The following TMEM138 variants were observed in gnomAD, a reference collection of about 807,000 sequenced individuals.
The protein encoded by TMEM138 is transmembrane protein 138.
TMEM138 carries 9 observed loss-of-function variants against 18.1 expected under a neutral mutation model. The observed-to-expected ratio is 0.50, with a 90% CI of 0.30 to 0.87. The LOEUF is 0.87. TMEM138 is among the 40% of genes least tolerant of loss of function. TMEM138 has a pLI of 0.06. For missense variants in TMEM138, 189 were observed against 190.6 expected (o/e 0.99, Z 0.05); for synonymous variants, 79 against 74.8 (o/e 1.06, Z -0.29).
chr11:61,364,823 A>T, intron 2 of TMEM138: 1 of 200,248 alleles, frequency 5.0e-6, no homozygotes, highest in East Asian at 1.3e-4. Flanking sequence ...TAAGCCCAGG[A>T]GTTCAAGGCT....
At chr11:61,372,363 A>G (rs551785894), downstream of TMEM138, among the ~76,000 whole-genome samples, 1 of 151,360 alleles carries the variant, frequency 6.6e-6, no homozygotes, top group East Asian at 2.0e-4. Flanking sequence ...GTGCAATGGC[A>G]TGATCTCAGC....
In TMEM138 at chr11:61,366,069, C is replaced by G. The variant is rs767016925; in HGVS notation, c.153C>G (p.Phe51Leu). 6.2e-7 allele frequency: 1 copy of G among 1,613,768 alleles called. No individual in the cohort carries two copies. The highest frequency in any genetic ancestry group is 1.1e-5 in the South Asian group (1 of 90,988). Residue 51 changes from phenylalanine to leucine, a missense_variant, in exon 3 of 5, where the codon TTC becomes TTG. Phe to Leu is a conservative substitution (Grantham distance 22). Coordinates refer to ENST00000278826, the MANE Select transcript of TMEM138 (RefSeq NM_016464.5). ...GCATCCAGGATATTGCAGTCCTCTT[C>G]AACATCATCATCATTTTCCTCATGT... ...LFIIQDIAVLFNIIIIFLMFF... is the reference protein window; with the variant it reads ...LFIIQDIAVLLNIIIIFLMFF...
In TMEM138 at chr11:61,368,673, G is replaced by A. The variant is rs778760425; in HGVS notation, c.453G>A (p.Leu151=). Residue 151 remains leucine, a synonymous_variant, in exon 5 of 5, where the codon TTG becomes TTA. Transcript: ENST00000278826. The stretch of plus-strand genomic sequence containing the variant: ...ATCCTCACTTCTACCAGGACTCTTT[G>A]TGGCTGCGCAAGGAGTTCATGCAAG... ...LGDPHFYQDS[L]WLRKEFMQVR... is the part of the protein sequence containing the mutation. 2 of 1,614,134 alleles carry A rather than the reference G, an allele frequency of 1.2e-6. No homozygotes were observed. Among genetic ancestry groups the A allele is most frequent in the Non-Finnish European group, 1.7e-6 (2 of 1,180,026 alleles).
At chr11:61,365,373 G>A (rs1590625465) in intron 2 of TMEM138, among the ~76,000 whole-genome samples, 1 of 151,248 alleles carries the variant, frequency 6.6e-6, no homozygotes, top group African/African-American at 2.4e-5. Context: ...CAATTCTCCT[G>A]CCTCAGCCTC....
intron 3 of TMEM138, chr11:61,366,471 CT>C (rs879154161): frequency 0.079 from 20,602 of 259,626 alleles, 1 homozygote; most frequent in South Asian, 0.15. Context: ...CTTTTCTTTT[CT>C]TTTTTTTTTT....
At chr11:61,371,013 C>G (rs1215893605), downstream of TMEM138, among the ~76,000 whole-genome samples, 1 of 152,080 alleles carries the variant, frequency 6.6e-6, no homozygotes, top group East Asian at 1.9e-4. Flanking sequence ...CGCAACACCG[C>G]CCCCCTCTCC....
At chr11:61,364,710 C>A in intron 2 of TMEM138, 192 bp downstream of exon 2, 1 of 640,552 alleles carries the variant, frequency 1.6e-6, no homozygotes, top group Non-Finnish European at 2.5e-6. Flanking sequence ...GGCAACATAG[C>A]AAGACCCTGT....
In TMEM138 at chr11:61,366,209, G is replaced by C; in HGVS notation, c.293G>C (p.Trp98Ser). ...YFALSISLHVWVMNLRWKNSN... is the reference protein window; with the variant it reads ...YFALSISLHVSVMNLRWKNSN... ...GCCCTCAGCATCTCCCTTCATGTCTGGGTCATGGTAAGAGTGGCAGTCTGA... is the reference window on the plus strand; with the variant it reads ...GCCCTCAGCATCTCCCTTCATGTCTCGGTCATGGTAAGAGTGGCAGTCTGA... The change falls in exon 3 of 5, where the codon TGG becomes TCG. Residue 98 changes from tryptophan to serine, a missense_variant. Physicochemically the swap from Trp to Ser is radical, Grantham distance 177. Coordinates refer to ENST00000278826, the MANE Select transcript of TMEM138 (RefSeq NM_016464.5). The C allele has an allele frequency of 6.2e-7, 1 of 1,611,936 alleles. No homozygotes were observed. The highest frequency in any genetic ancestry group is 1.7e-4 in the Middle Eastern group (1 of 6,054).
chr11:61,374,538 G>A (rs969910779), downstream of TMEM138, among the ~76,000 whole-genome samples: 1 of 152,122 alleles, frequency 6.6e-6, no homozygotes, highest in African/African-American at 2.4e-5. Flanking sequence ...GTGCCACAGA[G>A]GTAACAAATT....
downstream of TMEM138, among the ~76,000 whole-genome samples, chr11:61,372,573 G>C (rs1858372057): frequency 6.6e-6 from 1 of 151,970 alleles, no homozygotes; most frequent in Non-Finnish European, 1.5e-5. Flanking sequence ...GTGAAGTCAG[G>C]AGATCGAGAC....
At chr11:61,366,471 C>CTT (rs879154161) in intron 3 of TMEM138, 840 of 260,274 alleles carry the variant, frequency 3.2e-3, no homozygotes, top group South Asian at 6.7e-3. Flanking sequence ...CTTTTCTTTT[C>CTT]TTTTTTTTTT....
chr11:61,372,212 G>T (rs1387544440), downstream of TMEM138, among the ~76,000 whole-genome samples: 1 of 149,348 alleles, frequency 6.7e-6, no homozygotes. Context: ...TCTGCCTAAA[G>T]AATTGAAGTA....
At chr11:61,371,077 C>T (rs1858330263), downstream of TMEM138, among the ~76,000 whole-genome samples, 1 of 152,148 alleles carries the variant, frequency 6.6e-6, no homozygotes, top group Non-Finnish European at 1.5e-5. Flanking sequence ...GCTCTGTCAC[C>T]AGGCTGGTGT....
intron 3 of TMEM138, 22 bp from the exon 4 acceptor site, chr11:61,367,901 G>A: frequency 1.3e-6 from 2 of 1,560,474 alleles, no homozygotes; most frequent in Non-Finnish European, 1.8e-6. Context: ...ATTAACTTTT[G>A]TGTATCTCAC....
chr11:61,362,424 A>G lies in TMEM138; in HGVS notation c.-140+4A>G, dbSNP rs1857948742. 6.6e-6 allele frequency: 1 copy of G among 152,230 alleles called. No homozygotes were observed. Among genetic ancestry groups the G allele is most frequent in the African/African-American group, 2.4e-5 (1 of 41,446 alleles). 9.4% of individuals were successfully genotyped at this position (152,230 alleles called of 1,614,324 possible). A position where few individuals can be genotyped will look rare whatever the true frequency, so the allele number is the denominator to read the frequency against. ...CAACCGACGTTGGAGTTTGGAGGTG[A>G]GAGTGATTGACGAGGAGTGGGTTAA... On this transcript the variant is annotated splice_donor_region_variant and intron_variant, in intron 1 of 4. Coordinates refer to ENST00000278826, the MANE Select transcript of TMEM138 (RefSeq NM_016464.5).
chr11:61,363,317 G>T (rs1858005675), intron 1 of TMEM138: 1 of 152,224 alleles, frequency 6.6e-6, no homozygotes, highest in South Asian at 2.1e-4. Context: ...TGGAGGAGGT[G>T]CCTTAACCTT....
chr11:61,368,244 T>A, intron 4 of TMEM138: 1 of 617,890 alleles, frequency 1.6e-6, no homozygotes. Context: ...TGTTTGTTTT[T>A]GAGACAGTCT....
At chr11:61,374,480 T>C (rs1262912179), downstream of TMEM138, among the ~76,000 whole-genome samples, 1 of 152,174 alleles carries the variant, frequency 6.6e-6, no homozygotes, top group Non-Finnish European at 1.5e-5. Flanking sequence ...TGATATGACT[T>C]AATGTACATT....
chr11:61,368,783 C>G lies in TMEM138; in HGVS notation c.*74C>G. The G allele has an allele frequency of 8.4e-7, 1 of 1,185,014 alleles. No individual in the cohort carries two copies. The highest frequency in any genetic ancestry group is 1.2e-6 in the Non-Finnish European group (1 of 801,556). 73.4% of individuals were successfully genotyped at this position (1,185,014 alleles called of 1,614,324 possible). A position where few individuals can be genotyped will look rare whatever the true frequency, so the allele number is the denominator to read the frequency against. ...TTGCTGCTTTGCAGGGAGAGTTGGC[C>G]CTATGCATGGGCAAACAGCTGGACT... On this transcript the variant is annotated 3_prime_UTR_variant, in exon 5 of 5. Coordinates refer to ENST00000278826, the MANE Select transcript of TMEM138 (RefSeq NM_016464.5).
Sources: gnomAD v4.1 joint callset for allele counts (sites outside exome capture counted in the v4.1 genomes callset) on GRCh38, gnomAD v4.1.1 for gene constraint, MANE v1.5 for transcripts, NCBI Gene and HGNC (gene_info 2026-07-23, HGNC 2026-07-21) for gene names.